ATXN7L1: variants seen among roughly 807,000 people sequenced by gnomAD.
ATXN7L1 encodes ataxin 7 like 1.
Under a neutral mutation model 70.8 loss-of-function variants are expected in ATXN7L1, and 15 were observed. That is an observed-to-expected ratio of 0.21 (90% CI 0.14 to 0.33). The LOEUF (loss-of-function observed/expected upper bound fraction) is 0.33. Among genes scored for constraint, ATXN7L1 ranks in the 10% least tolerant of loss-of-function variants. The pLI, the probability that ATXN7L1 is intolerant of heterozygous loss-of-function variation, is 1.00. For synonymous variants in ATXN7L1, 440 were observed against 445.1 expected (o/e 0.99, Z 0.14); for missense variants, 975 against 1,097.1 (o/e 0.89, Z 1.57).
chr7:105,727,775 T>TATATATATATATATATACAC (rs1554442569), intron 3 of ATXN7L1, among the ~76,000 whole-genome samples: 1 of 115,460 alleles, frequency 8.7e-6, no homozygotes, highest in Admixed American at 8.8e-5. Context: ...TATATATATA[T>TATATATATATATATATACAC]ATACACACAC....
intron 4 of ATXN7L1, among the ~76,000 whole-genome samples, chr7:105,662,653 G>A (rs1193540226): frequency 6.6e-6 from 1 of 152,110 alleles, no homozygotes; most frequent in African/African-American, 2.4e-5. Flanking sequence ...TGGCTTATGT[G>A]CTCCTTCCCT....
intron 2 of ATXN7L1, among the ~76,000 whole-genome samples, chr7:105,868,440 A>C (rs1397365082): frequency 6.6e-6 from 1 of 152,130 alleles, no homozygotes; most frequent in African/African-American, 2.4e-5. Flanking sequence ...CGTATTAAAA[A>C]CTTGGCAAGA....
chr7:105,763,656 T>A (rs891985655), intron 3 of ATXN7L1, among the ~76,000 whole-genome samples: 1 of 152,186 alleles, frequency 6.6e-6, no homozygotes, highest in Admixed American at 6.5e-5. Flanking sequence ...TGCCATTAAG[T>A]GCATTTGACA....
At chr7:105,771,061 G>A (rs1357705271) in intron 3 of ATXN7L1, among the ~76,000 whole-genome samples, 1 of 152,050 alleles carries the variant, frequency 6.6e-6, no homozygotes, top group Admixed American at 6.6e-5. Flanking sequence ...TCAGCTGGGT[G>A]TGGTGGTGGG....
chr7:105,681,752 C>T (rs541836585), intron 3 of ATXN7L1, among the ~76,000 whole-genome samples: 47 of 152,252 alleles, frequency 3.1e-4, no homozygotes, highest in African/African-American at 1.1e-3. Flanking sequence ...ACTTTGGGGA[C>T]ACTATGCTAA....
chr7:105,803,750 C>T lies in ATXN7L1; in HGVS notation c.251-15042G>A, dbSNP rs149823667. Among the ~76,000 whole-genome samples, 212 of 152,302 alleles carry T rather than the reference C, an allele frequency of 1.4e-3. 1 individual carries two copies. Among genetic ancestry groups the T allele is most frequent in the African/African-American group, 4.8e-3 (201 of 41,576 alleles). On this transcript the variant is annotated intron_variant, in intron 2 of 11. Coordinates refer to ENST00000419735, the MANE Select transcript of ATXN7L1 (RefSeq NM_020725.2). ...GTAACTTTGATGTAGCTGTTCAACC[C>T]GGCACTGGCCTAGACTTCCCTAATG...
At chr7:105,679,825 T>C (rs1805296262) in intron 3 of ATXN7L1, among the ~76,000 whole-genome samples, 1 of 152,058 alleles carries the variant, frequency 6.6e-6, no homozygotes, top group Non-Finnish European at 1.5e-5. Flanking sequence ...CAGGGTCTTC[T>C]TTAGGGGTGA....
chr7:105,643,206 A>G, intron 4 of ATXN7L1, 85 bp from the exon 5 acceptor site: 1 of 1,376,490 alleles, frequency 7.3e-7, no homozygotes, highest in East Asian at 2.5e-5. Context: ...TATCATTATC[A>G]GAACATTTCC....
At position 105,670,675 on chromosome 7, in the gene ATXN7L1, C is replaced by A. The variant is rs935493717; in HGVS notation, c.356-5387G>T. ...CTATTTATCTTTAAAAAAAAAAAAA[C>A]TGATTTGGCCGGGCGTGGTGGCTGA... On this transcript the variant is annotated intron_variant, in intron 3 of 11. Coordinates refer to ENST00000419735, the MANE Select transcript of ATXN7L1 (RefSeq NM_020725.2). 7.2e-5 allele frequency among the ~76,000 whole-genome samples: 10 copies of A among 139,590 alleles called. No homozygotes were observed. The Admixed American group carries it at 7.2e-4, about 10-fold the overall frequency. The allele number at this position is 139,590 out of a possible 152,430, so 91.6% of individuals were successfully genotyped here.
rs1563049039 is a variant in ATXN7L1, at chr7:105,733,633, C to CCACCCATCCAT, written c.355+54970_355+54971insATGGATGGGTG. Among the ~76,000 whole-genome samples, 11 of 38,246 alleles carry CCACCCATCCAT rather than the reference C, an allele frequency of 2.9e-4. 1 individual carries two copies. Among genetic ancestry groups the CCACCCATCCAT allele is most frequent in the African/African-American group, 7.6e-4 (7 of 9,200 alleles). 25.1% of individuals were successfully genotyped at this position (38,246 alleles called of 152,430 possible). On this transcript the variant is annotated intron_variant, in intron 3 of 11. Transcript: ENST00000419735. ...ATCCATCCATCCATCCATCCATCCA[C>CCACCCATCCAT]CCATCCATCCATCCATCCATCCATC...
At chr7:105,859,049 G>T (rs1353995021) in intron 2 of ATXN7L1, among the ~76,000 whole-genome samples, 5 of 151,988 alleles carry the variant, frequency 3.3e-5, no homozygotes, top group Non-Finnish European at 7.4e-5. Context: ...ATAAGCTTTT[G>T]GGGGTGGGGG....
At chr7:105,639,699 GT>G in intron 5 of ATXN7L1, 130 bp from the exon 6 acceptor site, 2 of 691,570 alleles carry the variant, frequency 2.9e-6, no homozygotes, top group Non-Finnish European at 4.8e-6. Context: ...TCTGTTTTTT[GT>G]TTTTTTGTGT....
At chr7:105,777,563 C>T (rs78103833) in intron 3 of ATXN7L1, among the ~76,000 whole-genome samples, 6,387 of 152,302 alleles carry the variant, frequency 0.042, 299 homozygotes, top group East Asian at 0.29. Flanking sequence ...AATGTTGACT[C>T]TTCCCTTTCC....
chr7:105,610,625 C>G (rs1291609244), intron 10 of ATXN7L1, 22 bp from the exon 11 acceptor site: 4 of 1,549,110 alleles, frequency 2.6e-6, no homozygotes, highest in Middle Eastern at 1.7e-4. Context: ...CATTGAAGCC[C>G]CACTCAGACA....
At chr7:105,645,125 T>C (rs1162599788) in intron 4 of ATXN7L1, among the ~76,000 whole-genome samples, 1 of 152,066 alleles carries the variant, frequency 6.6e-6, no homozygotes, top group East Asian at 1.9e-4. Context: ...TAATGCCCGT[T>C]GAACAACTGT....
At chr7:105,834,135 T>C (rs894632484) in intron 2 of ATXN7L1, among the ~76,000 whole-genome samples, 2 of 152,134 alleles carry the variant, frequency 1.3e-5, no homozygotes, top group African/African-American at 4.8e-5. Flanking sequence ...CTCTGCCTCC[T>C]AGGTTCAAGC....
In ATXN7L1 at chr7:105,614,550, T is replaced by C; in HGVS notation, c.1784A>G (p.Asp595Gly). The C allele has an allele frequency of 1.9e-6, 3 of 1,544,216 alleles. No individual in the cohort carries two copies. The highest frequency in any genetic ancestry group is 2.6e-6 in the Non-Finnish European group (3 of 1,142,228). The change falls in exon 10 of 12, where the codon GAC (aspartate) becomes GGC (glycine). Residue 595 changes from aspartate (D) to glycine (G), a missense_variant. By Grantham distance (94) the Asp-to-Gly change is moderately conservative. Transcript: ENST00000419735. The surrounding 1 kb of genome is among the most constrained non-coding windows in gnomAD (Gnocchi z 4.3). ...GGCGGATGGGGCCTTGAAGGTTGAG[T>C]CCATGATGCTGAGGGTTGCGGCCAC... ...PHVAATLSIM[D>G]STFKAPSAVS...
intron 3 of ATXN7L1, among the ~76,000 whole-genome samples, chr7:105,719,405 T>G (rs1368949983): frequency 6.6e-6 from 1 of 152,198 alleles, no homozygotes; most frequent in African/African-American, 2.4e-5. Flanking sequence ...GATATTTGTG[T>G]AAGGCCTTAT....
At position 105,665,059 on chromosome 7, in the gene ATXN7L1, G is replaced by T; in HGVS notation, c.578+7C>A. 2 of 1,549,050 alleles carry T rather than the reference G, an allele frequency of 1.3e-6. No homozygotes were observed. Among genetic ancestry groups the T allele is most frequent in the South Asian group, 2.4e-5 (2 of 83,858 alleles). On this transcript the variant is annotated splice_region_variant and intron_variant, in intron 4 of 11. Transcript: ENST00000419735. ...GACAGCAGCTGGCTGCCAGCCAGCT[G>T]ACTCACCATGGTTTATCCCTTGATC...
Sources: allele counts gnomAD v4.1 joint callset (sites outside exome capture counted in the v4.1 genomes callset), GRCh38; gene constraint gnomAD v4.1.1; non-coding constraint Gnocchi (gnomAD v3.1); transcripts MANE v1.5; gene names NCBI Gene and HGNC (gene_info 2026-07-23, HGNC 2026-07-21).